The following NLGN1 variants were observed in gnomAD, a reference collection of about 807,000 sequenced individuals.
NLGN1 encodes the protein neuroligin 1, also known as neuroligin-1.
A neutral mutation model predicts 65.5 loss-of-function variants in NLGN1; 12 were observed. That is an observed-to-expected ratio of 0.18 (90% confidence interval 0.12 to 0.30). The LOEUF (loss-of-function observed/expected upper bound fraction) is 0.30, where lower values mean the gene tolerates loss of function less well. Ranked by LOEUF, NLGN1 falls within the 10% of genes least tolerant of loss-of-function variation. NLGN1 has a pLI of 1.00. For synonymous variants in NLGN1, 350 were observed against 359.5 expected (o/e 0.97, Z 0.30); for missense variants, 750 against 1,007.1 (o/e 0.74, Z 3.46).
chr3:173,608,700 A>G, intron 3 of NLGN1, among the ~76,000 whole-genome samples: 1 of 138,316 alleles, frequency 7.2e-6, no homozygotes, highest in African/African-American at 3.1e-5. Context: ...ACCTCCTGTG[A>G]TGATTTCCAT....
chr3:173,730,459 A>G (rs985247550), intron 3 of NLGN1, among the ~76,000 whole-genome samples: 1 of 152,044 alleles, frequency 6.6e-6, no homozygotes, highest in African/African-American at 2.4e-5. Flanking sequence ...CCAAAATATT[A>G]TCATTTCAAC....
intron 4 of NLGN1, among the ~76,000 whole-genome samples, chr3:173,921,232 T>G (rs1741954889): frequency 6.8e-6 from 1 of 147,526 alleles, no homozygotes; most frequent in Non-Finnish European, 1.5e-5. Context: ...TATGCATGTA[T>G]AATATATGGT....
chr3:173,858,648 T>TTTCTATGATAACC (rs1728488516), intron 4 of NLGN1, among the ~76,000 whole-genome samples: 1 of 152,118 alleles, frequency 6.6e-6, no homozygotes, highest in Non-Finnish European at 1.5e-5. Context: ...GTGTGGATGG[T>TTTCTATGATAACC]TTCTATGATA....
chr3:173,696,081 A>G (rs1409082336), intron 3 of NLGN1, among the ~76,000 whole-genome samples: 1 of 152,188 alleles, frequency 6.6e-6, no homozygotes, highest in Non-Finnish European at 1.5e-5. Flanking sequence ...CAAAGTGTGA[A>G]GATTACAAGT....
intron 4 of NLGN1, among the ~76,000 whole-genome samples, chr3:173,910,178 A>G (rs1739303174): frequency 1.3e-5 from 2 of 152,166 alleles, no homozygotes; most frequent in South Asian, 2.1e-4. Context: ...GCTTCTCAAT[A>G]CTAATGTGCA....
At chr3:173,502,980 A>G (rs574094253) in intron 2 of NLGN1, among the ~76,000 whole-genome samples, 3 of 152,196 alleles carry the variant, frequency 2.0e-5, no homozygotes, top group African/African-American at 4.8e-5. Context: ...TGAATTATAT[A>G]TGTAATTTTA....
At chr3:173,455,937 A>G (rs1408128880) in intron 2 of NLGN1, among the ~76,000 whole-genome samples, 1 of 152,118 alleles carries the variant, frequency 6.6e-6, no homozygotes, top group Admixed American at 6.5e-5. Flanking sequence ...GGAGGGTGGA[A>G]AGAATGATGG....
chr3:174,212,454 G>A (rs1736871331), intron 4 of NLGN1, among the ~76,000 whole-genome samples: 1 of 152,220 alleles, frequency 6.6e-6, no homozygotes, highest in Admixed American at 6.5e-5. Flanking sequence ...CTCCTCAAAT[G>A]CTGCCAAAGT....
intron 3 of NLGN1, among the ~76,000 whole-genome samples, chr3:173,675,276 C>CT (rs1262826410): frequency 6.6e-6 from 1 of 151,962 alleles, no homozygotes; most frequent in Non-Finnish European, 1.5e-5. Context: ...ATAACATATT[C>CT]TTTTTTTCCC....
At chr3:173,997,884 A>G (rs1579660956) in intron 4 of NLGN1, among the ~76,000 whole-genome samples, 1 of 152,144 alleles carries the variant, frequency 6.6e-6, no homozygotes, top group African/African-American at 2.4e-5. Flanking sequence ...TAGAACCAAT[A>G]CATCAGATTC....
At chr3:173,853,550 A>G (rs1336619814) in intron 4 of NLGN1, among the ~76,000 whole-genome samples, 5 of 152,156 alleles carry the variant, frequency 3.3e-5, no homozygotes, top group Non-Finnish European at 7.4e-5. Context: ...AACACTAAGG[A>G]AATTGTATAT....
At chr3:173,940,528 A>G (rs191126504) in intron 4 of NLGN1, among the ~76,000 whole-genome samples, 1 of 152,320 alleles carries the variant, frequency 6.6e-6, no homozygotes, top group African/African-American at 2.4e-5. Flanking sequence ...ATTTATATAA[A>G]ACTACAGATT....
chr3:173,872,865 C>T (rs189886554), intron 4 of NLGN1, among the ~76,000 whole-genome samples: 336 of 152,152 alleles, frequency 2.2e-3, no homozygotes, highest in Middle Eastern at 0.017. Flanking sequence ...CTCCCCACCC[C>T]CATTTTGACA....
intron 4 of NLGN1, among the ~76,000 whole-genome samples, chr3:174,055,146 C>G (rs1253450728): frequency 7.1e-6 from 1 of 140,516 alleles, no homozygotes; most frequent in Admixed American, 7.0e-5. Flanking sequence ...CTTAAAGGAG[C>G]TTGCTTTTTT....
intron 2 of NLGN1, among the ~76,000 whole-genome samples, chr3:173,441,481 C>A (rs370733086): frequency 3.9e-5 from 6 of 152,100 alleles, no homozygotes; most frequent in African/African-American, 1.4e-4. Context: ...AGTGAGGGAC[C>A]ATTGTAGGAT....
chr3:173,455,858 G>A (rs542032994), intron 2 of NLGN1, among the ~76,000 whole-genome samples: 20 of 152,190 alleles, frequency 1.3e-4, no homozygotes, highest in Non-Finnish European at 1.8e-4. Flanking sequence ...AGCAGAAGAC[G>A]CAGAAAAGCC....
chr3:173,644,337 A>G (rs1256874974), intron 3 of NLGN1: 1 of 157,578 alleles, frequency 6.3e-6, no homozygotes, highest in East Asian at 1.9e-4. Context: ...GATGAACTTG[A>G]ACTGGAAGTT....
At chr3:173,721,260 G>C (rs1330021046) in intron 3 of NLGN1, among the ~76,000 whole-genome samples, 1 of 152,200 alleles carries the variant, frequency 6.6e-6, no homozygotes, top group East Asian at 1.9e-4. Context: ...GGTGTTGACT[G>C]TCCTCACCGA....
In NLGN1 at chr3:174,241,504, T is replaced by TA. The variant is rs757032175; in HGVS notation, c.647-33798dup. ...TTTAGACCTGCACTTATCCACCAAT[T>TA]AAAAAAAAAAAAATGAGCACCTTCC... On this transcript the variant is annotated intron_variant, in intron 4 of 6. Coordinates refer to ENST00000457714, the Ensembl canonical transcript of NLGN1. 5.2e-3 allele frequency among the ~76,000 whole-genome samples: 732 copies of TA among 141,518 alleles called. 5 individuals carry two copies. The highest frequency in any genetic ancestry group is 8.1e-3 in the Non-Finnish European group (522 of 64,550). 92.8% of individuals were successfully genotyped at this position (141,518 alleles called of 152,430 possible). A position where few individuals can be genotyped will look rare whatever the true frequency, so the allele number is the denominator to read the frequency against.
Sources: gnomAD v4.1 joint callset for allele counts (sites outside exome capture counted in the v4.1 genomes callset) on GRCh38, gnomAD v4.1.1 for gene constraint, MANE v1.5 for transcripts, NCBI Gene and HGNC (gene_info 2026-07-23, HGNC 2026-07-21) for gene names.